FRAS1: variants seen among roughly 807,000 people sequenced by gnomAD.
FRAS1 encodes extracellular matrix organizing protein FRAS1.
A neutral mutation model predicts 435.2 loss-of-function variants in FRAS1; 290 were observed. That is an observed-to-expected ratio of 0.67 (90% confidence interval 0.61 to 0.73). The LOEUF (loss-of-function observed/expected upper bound fraction) is 0.73. Ranked by LOEUF, FRAS1 falls within the 30% of genes least tolerant of loss-of-function variation. The pLI, the probability that FRAS1 is intolerant of heterozygous loss-of-function variation, is 0.00. For missense variants in FRAS1, 4,860 were observed against 5,001.5 expected (o/e 0.97, Z 0.85); for synonymous variants, 1,800 against 1,851.0 (o/e 0.97, Z 0.71).
chr4:78,286,367 T>C lies in FRAS1; in HGVS notation c.1400-38T>C, dbSNP rs1375617491. 4 of 1,611,544 alleles carry C rather than the reference T, an allele frequency of 2.5e-6. No homozygotes were observed. The Admixed American group carries it at 6.7e-5, about 27-fold the overall frequency. On this transcript the variant is annotated intron_variant, in intron 13 of 73. Transcript: ENST00000512123. ...GGGTGGTGTCTTTCAGCTAATCAAA[T>C]GGTTCCTTTCTCTTTCTTCAACATT...
intron 2 of FRAS1, among the ~76,000 whole-genome samples, chr4:78,127,657 A>AAACAAC (rs538687247): frequency 2.5e-5 from 2 of 80,800 alleles, no homozygotes; most frequent in Non-Finnish European, 5.1e-5. Context: ...ACAAACAAAC[A>AAACAAC]AACAACAACA....
intron 1 of FRAS1, among the ~76,000 whole-genome samples, chr4:78,062,771 C>CA (rs1308917117): frequency 2.6e-5 from 4 of 152,166 alleles, no homozygotes; most frequent in Admixed American, 6.5e-5. Context: ...ATGAGCCAGC[C>CA]ACACAGTAAA....
chr4:78,217,703 T>A (rs7686101), intron 2 of FRAS1, among the ~76,000 whole-genome samples: 1 of 151,714 alleles, frequency 6.6e-6, no homozygotes, highest in Non-Finnish European at 1.5e-5. Flanking sequence ...TCCCCAGTAC[T>A]GTGCCAGATT....
At chr4:78,465,072 T>C (rs1163085521) in intron 49 of FRAS1, among the ~76,000 whole-genome samples, 2 of 152,202 alleles carry the variant, frequency 1.3e-5, no homozygotes, top group Non-Finnish European at 2.9e-5. Flanking sequence ...TAAGCTTTTA[T>C]TCTCATGCTT....
rs1176534756 is a variant in FRAS1 at position 78,137,467 on chromosome 4, ATTT to A, written c.108+71455_108+71457del. ...ATCACTTTTCTGTTGAAGATTATAGATTTTTTATTTTTTAAAAAATGCCATCTT... is the reference window on the plus strand; with the variant it reads ...ATCACTTTTCTGTTGAAGATTATAGATTTATTTTTTAAAAAATGCCATCTT... On this transcript the variant is annotated intron_variant, in intron 2 of 73. Coordinates refer to ENST00000512123, the MANE Select transcript of FRAS1 (RefSeq NM_025074.7). Among the ~76,000 whole-genome samples, 5 of 152,302 alleles carry A rather than the reference ATTT, an allele frequency of 3.3e-5. No homozygotes were observed. The South Asian group carries it at 1.0e-3, about 32-fold the overall frequency.
chr4:78,335,863 A>G (rs944438460), intron 19 of FRAS1, among the ~76,000 whole-genome samples: 5 of 151,192 alleles, frequency 3.3e-5, no homozygotes, highest in African/African-American at 1.2e-4. Context: ...TTGACACAGT[A>G]CTAAAATTTA....
chr4:78,486,830 A>C (rs1171571388), intron 58 of FRAS1, among the ~76,000 whole-genome samples: 5 of 123,532 alleles, frequency 4.0e-5, no homozygotes, highest in Admixed American at 8.4e-5. Context: ...CTCTCTCTCT[A>C]TTTTTTTTTT....
chr4:78,207,015 T>C (rs1034152907), intron 2 of FRAS1, among the ~76,000 whole-genome samples: 1 of 152,192 alleles, frequency 6.6e-6, no homozygotes, highest in Admixed American at 6.5e-5. Context: ...CTTTCTAAAA[T>C]AGGCATCAGT....
intron 29 of FRAS1, among the ~76,000 whole-genome samples, chr4:78,400,472 A>T (rs547654922): frequency 1.3e-5 from 2 of 152,214 alleles, no homozygotes; most frequent in Admixed American, 1.3e-4. Flanking sequence ...AAAGAAAGAA[A>T]TGGAGAGACT....
intron 5 of FRAS1, among the ~76,000 whole-genome samples, chr4:78,253,645 T>C (rs915924476): frequency 2.6e-5 from 4 of 152,140 alleles, no homozygotes; most frequent in African/African-American, 9.7e-5. Context: ...CATTCCGTAT[T>C]GGAATCAAGT....
Position 78,318,859 on chromosome 4 carries a change from T to C in FRAS1, c.2010T>C (p.Cys670=). The part of the protein sequence containing the change: ...LACMGPAPSH[C]TGCKKPEEGL... Reference sequence around the variant, plus strand: ...GTATGGGTCCCGCACCCTCTCACTGTACTGGGTGTAAGAAGCCAGAGGAAG... The same window carrying C: ...GTATGGGTCCCGCACCCTCTCACTGCACTGGGTGTAAGAAGCCAGAGGAAG... Residue 670 remains cysteine, a synonymous_variant, in exon 18 of 74, where the codon TGT becomes TGC. Coordinates refer to ENST00000512123, the MANE Select transcript of FRAS1 (RefSeq NM_025074.7). 1 of 1,613,972 alleles carries C rather than the reference T, an allele frequency of 6.2e-7. No individual in the cohort carries two copies. The highest frequency in any genetic ancestry group is 8.5e-7 in the Non-Finnish European group (1 of 1,179,842).
intron 59 of FRAS1, 103 bp from the exon 60 acceptor site, chr4:78,496,702 A>C: frequency 9.2e-7 from 1 of 1,085,592 alleles, no homozygotes; most frequent in South Asian, 1.5e-5. Flanking sequence ...ATTTGTGTGG[A>C]CTTTTTGATG....
At chr4:78,102,267 G>A (rs1475403631) in intron 2 of FRAS1, among the ~76,000 whole-genome samples, 3 of 152,224 alleles carry the variant, frequency 2.0e-5, no homozygotes, top group Admixed American at 6.5e-5. Flanking sequence ...AAGAAAGAGC[G>A]AACAGAAAAC....
intron 47 of FRAS1, among the ~76,000 whole-genome samples, chr4:78,453,796 C>CA (rs10594388): frequency 4.0e-5 from 6 of 150,780 alleles, no homozygotes; most frequent in Non-Finnish European, 7.4e-5. Flanking sequence ...GACCCTATCT[C>CA]AAAAAAAAAA....
intron 42 of FRAS1, 84 bp from the exon 43 acceptor site, chr4:78,446,643 A>G: frequency 6.7e-7 from 1 of 1,498,386 alleles, no homozygotes; most frequent in Non-Finnish European, 8.8e-7. Context: ...ACATTTCTGT[A>G]GCAATGATAC....
intron 38 of FRAS1, among the ~76,000 whole-genome samples, chr4:78,436,238 G>A (rs12643728): frequency 0.31 from 47,639 of 151,980 alleles, 8,491 homozygotes; most frequent in Admixed American, 0.4. Context: ...AGAGGAACCC[G>A]GGTGGTCAAT....
chr4:78,377,186 C>T (rs116765372), intron 26 of FRAS1, among the ~76,000 whole-genome samples: 20 of 152,154 alleles, frequency 1.3e-4, no homozygotes, highest in African/African-American at 4.6e-4. Flanking sequence ...TTTTGAGAGT[C>T]GTTCGTCAAA....
chr4:78,126,346 C>T (rs770143644), intron 2 of FRAS1, among the ~76,000 whole-genome samples: 3 of 152,222 alleles, frequency 2.0e-5, no homozygotes, highest in Non-Finnish European at 4.4e-5. Context: ...CCCCTGACCC[C>T]TTGCAGTTCC....
chr4:78,282,647 T>C (rs1727385933), intron 11 of FRAS1, among the ~76,000 whole-genome samples, 173 bp from the exon 12 acceptor site: 1 of 152,210 alleles, frequency 6.6e-6, no homozygotes, highest in Non-Finnish European at 1.5e-5. Flanking sequence ...ATAAATTCTG[T>C]GTTTTAAATT....
Sources: allele counts gnomAD v4.1 joint callset (sites outside exome capture counted in the v4.1 genomes callset), GRCh38; gene constraint gnomAD v4.1.1; transcripts MANE v1.5; gene names NCBI Gene and HGNC (gene_info 2026-07-23, HGNC 2026-07-21).